The following RGS22 variants were observed in gnomAD, a reference collection of about 807,000 sequenced individuals.
RGS22 encodes regulator of G protein signaling 22, also known as regulator of G-protein signaling 22.
In RGS22, 148 loss-of-function variants were observed where a neutral mutation model predicts 172.9. That is an observed-to-expected ratio of 0.86 (90% CI 0.75 to 0.98). The LOEUF (loss-of-function observed/expected upper bound fraction) is 0.98. Among genes scored for constraint, RGS22 ranks in the 50% least tolerant of loss-of-function variants. The pLI, the probability that RGS22 is intolerant of heterozygous loss-of-function variation, is 0.00. For synonymous variants in RGS22, 458 were observed against 480.2 expected (o/e 0.95, Z 0.60); for missense variants, 1,347 against 1,440.8 (o/e 0.93, Z 1.05).
At chr8:100,065,714 G>A (rs1300201145) in intron 7 of RGS22, among the ~76,000 whole-genome samples, 2 of 152,062 alleles carry the variant, frequency 1.3e-5, no homozygotes, top group African/African-American at 2.4e-5. Context: ...AAAAACAGAA[G>A]GGAAACTCAA....
At chr8:99,988,018 C>A (rs1356436369) in intron 20 of RGS22, among the ~76,000 whole-genome samples, 1 of 150,802 alleles carries the variant, frequency 6.6e-6, no homozygotes, top group African/African-American at 2.4e-5. Context: ...ATATATAATT[C>A]TCCTGCCTTT....
intron 2 of RGS22, among the ~76,000 whole-genome samples, chr8:100,103,144 G>A (rs1813631126): frequency 6.6e-6 from 1 of 152,204 alleles, no homozygotes; most frequent in South Asian, 2.1e-4. Context: ...AGAGTGATAG[G>A]AGAAGGAAAA....
rs1207856265 is a variant in RGS22 at position 100,093,456 on chromosome 8, T to G, written c.108A>C (p.Leu36=). Residue 36 remains leucine, a synonymous_variant, in exon 3 of 28, where the codon CTA becomes CTC. Coordinates refer to ENST00000360863, the MANE Select transcript of RGS22 (RefSeq NM_015668.5). ...ATAATAATAAACTCACTGGAAGGCT[T>G]AGGAATTCATTAAAGTAGTCTACAA... ...DFLVDYFNEF[L]SLPTFSEAIR... 10 of 1,580,880 alleles carry G rather than the reference T, an allele frequency of 6.3e-6. No homozygotes were observed. The East Asian group carries it at 2.0e-4, about 32-fold the overall frequency.
chr8:100,027,634 C>A (rs1243804129), intron 14 of RGS22, among the ~76,000 whole-genome samples: 2 of 152,086 alleles, frequency 1.3e-5, no homozygotes, highest in South Asian at 2.1e-4. Context: ...AGGCATGTAC[C>A]ACCACATCCG....
At position 100,080,350 on chromosome 8, in the gene RGS22, A is replaced by G. The variant is rs756018532; in HGVS notation, c.123T>C (p.Phe41=). 3 of 1,600,644 alleles carry G rather than the reference A, an allele frequency of 1.9e-6. No homozygotes were observed. Among genetic ancestry groups the G allele is most frequent in the Non-Finnish European group, 2.6e-6 (3 of 1,172,810 alleles). The change falls in exon 4 of 28, where the codon TTT becomes TTC. Residue 41 remains phenylalanine, a synonymous_variant. Transcript: ENST00000360863. Reference sequence around the variant, plus strand: ...CTGCATTAAATCTAATTGCCTCTGAAAAGGTCTGCAATATAAATTTGTGGA... The same window carrying G: ...CTGCATTAAATCTAATTGCCTCTGAGAAGGTCTGCAATATAAATTTGTGGA... ...YFNEFLSLPT[F]SEAIRFNADY...
chr8:100,025,041 G>C (rs1442576850), intron 14 of RGS22, among the ~76,000 whole-genome samples: 1 of 132,320 alleles, frequency 7.6e-6, no homozygotes, highest in African/African-American at 2.8e-5. Context: ...AATAAATGAG[G>C]ATCTTTGGAG....
intron 7 of RGS22, among the ~76,000 whole-genome samples, chr8:100,064,978 T>C (rs1012220924): frequency 2.6e-5 from 4 of 152,210 alleles, no homozygotes; most frequent in Non-Finnish European, 4.4e-5. Context: ...TCTAAAGATA[T>C]AGTATTCAGC....
In RGS22 at chr8:100,071,510, T is replaced by A; in HGVS notation, c.453A>T (p.Arg151Ser). The A allele has an allele frequency of 6.2e-7, 1 of 1,610,358 alleles. No individual in the cohort carries two copies. Among genetic ancestry groups the A allele is most frequent in the Non-Finnish European group, 8.5e-7 (1 of 1,178,516 alleles). The change falls in exon 6 of 28, where the codon AGA becomes AGT. Residue 151 changes from arginine to serine, a missense_variant. By Grantham distance (110) the Arg-to-Ser change is moderately radical. Coordinates refer to ENST00000360863, the MANE Select transcript of RGS22 (RefSeq NM_015668.5). ...TGAAATTCATGCCGGACTTGCTCCA[T>A]CTTACTTGTGAGACCAATTTGGCTA... is the stretch of plus-strand genomic sequence containing the variant. ...YRLAKLVSQV[R>S]WSKSGMNFTV... is the part of the protein sequence containing the mutation.
At chr8:100,059,941 G>A (rs986023727) in intron 9 of RGS22, among the ~76,000 whole-genome samples, 5 of 152,012 alleles carry the variant, frequency 3.3e-5, no homozygotes, top group African/African-American at 1.2e-4. Context: ...GCCCAGGCTG[G>A]TCTCAAATTC....
chr8:99,976,425 C>G (rs1393192047), intron 23 of RGS22, among the ~76,000 whole-genome samples: 3 of 151,786 alleles, frequency 2.0e-5, no homozygotes, highest in Non-Finnish European at 4.4e-5. Context: ...GCAGTGGCGC[C>G]ATCTCGGCTC....
chr8:99,966,905 A>C (rs905384622), intron 23 of RGS22, among the ~76,000 whole-genome samples: 1 of 152,122 alleles, frequency 6.6e-6, no homozygotes, highest in Non-Finnish European at 1.5e-5. Flanking sequence ...GTTTCTATGA[A>C]TTTGACTATT....
intron 20 of RGS22, among the ~76,000 whole-genome samples, chr8:99,993,435 C>A (rs896846111): frequency 6.6e-6 from 1 of 151,976 alleles, no homozygotes; most frequent in Non-Finnish European, 1.5e-5. Context: ...AAGTGGATAT[C>A]ATCACTGATC....
chr8:99,967,737 G>A (rs1257208195), intron 23 of RGS22, among the ~76,000 whole-genome samples: 2 of 152,328 alleles, frequency 1.3e-5, no homozygotes, highest in East Asian at 1.9e-4. Context: ...CCCAGTCAGG[G>A]GCTTATAGAT....
chr8:100,013,727 AC>A (rs1451121224), intron 14 of RGS22, among the ~76,000 whole-genome samples: 4 of 152,098 alleles, frequency 2.6e-5, no homozygotes, highest in African/African-American at 4.8e-5. Context: ...GTATCTCCTC[AC>A]CAAGCTTTTC....
Position 100,004,007 on chromosome 8 carries a change from T to C in RGS22, c.2546A>G (p.Lys849Arg). 3 of 1,612,632 alleles carry C rather than the reference T, an allele frequency of 1.9e-6. No individual in the cohort carries two copies. The highest frequency in any genetic ancestry group is 1.7e-4 in the Middle Eastern group (1 of 6,054). Residue 849 changes from lysine to arginine, a missense_variant, in exon 17 of 28, where the codon AAG becomes AGG. Coordinates refer to ENST00000360863, the MANE Select transcript of RGS22 (RefSeq NM_015668.5). Reference sequence around the variant, plus strand: ...AAGCAGATCACTAAACTTAAAATGCTTGTATTCTGCAGGAACATTATCCCA... The same window carrying C: ...AAGCAGATCACTAAACTTAAAATGCCTGTATTCTGCAGGAACATTATCCCA... Reference protein sequence around the residue: ...EYWDNVPAEYKHFKFSDLLNN... With the variant: ...EYWDNVPAEYRHFKFSDLLNN...
chr8:100,075,594 A>C (rs1811290966), intron 4 of RGS22, among the ~76,000 whole-genome samples: 1 of 152,240 alleles, frequency 6.6e-6, no homozygotes, highest in Admixed American at 6.5e-5. Context: ...AAGAAGTGCC[A>C]AACTGTTTTC....
At chr8:100,040,884 A>G (rs1013486050) in intron 12 of RGS22, among the ~76,000 whole-genome samples, 1 of 152,082 alleles carries the variant, frequency 6.6e-6, no homozygotes, top group Non-Finnish European at 1.5e-5. Flanking sequence ...CCACCTCTCT[A>G]TCTGCCTGCT....
In RGS22 at chr8:100,041,837, G is replaced by T; in HGVS notation, c.1903C>A (p.Leu635Met). The change falls in exon 12 of 28, where the codon CTG becomes ATG. Residue 635 changes from leucine to methionine, a missense_variant. Physicochemically the swap from Leu to Met is conservative, Grantham distance 15. Transcript: ENST00000360863. ...TDISECLKPQ[L>M]DRRYAYTEEP... The stretch of plus-strand genomic sequence containing the variant: ...TCTGTATAAGCGTATCTTCTATCCA[G>T]CTGGGGCTTGAGACATTCAGAAATG... The T allele has an allele frequency of 1.2e-6, 2 of 1,612,554 alleles. No homozygotes were observed. Among genetic ancestry groups the T allele is most frequent in the Non-Finnish European group, 1.7e-6 (2 of 1,178,816 alleles).
At position 100,105,990 on chromosome 8, in the gene RGS22, G is replaced by GGCC; in HGVS notation, c.-70_-69insGGC. 3 of 1,262,540 alleles carry GGCC rather than the reference G, an allele frequency of 2.4e-6. No homozygotes were observed. The highest frequency in any genetic ancestry group is 3.0e-6 in the Non-Finnish European group (3 of 1,006,512). 78.2% of individuals were successfully genotyped at this position (1,262,540 alleles called of 1,614,324 possible). On this transcript the variant is annotated 5_prime_UTR_variant, in exon 1 of 28. Transcript: ENST00000360863. ...GGCCCTAGCGCGCGGGTCCAGCGCGGGTCAGGGCCTGAGCGACGCGGCGAC... is the reference window on the plus strand; with the variant it reads ...GGCCCTAGCGCGCGGGTCCAGCGCGGGCCGTCAGGGCCTGAGCGACGCGGCGAC...
Sources: gnomAD v4.1 joint callset for allele counts (sites outside exome capture counted in the v4.1 genomes callset) on GRCh38, gnomAD v4.1.1 for gene constraint, MANE v1.5 for transcripts, NCBI Gene and HGNC (gene_info 2026-07-23, HGNC 2026-07-21) for gene names.